GNG7: variants seen among roughly 807,000 people sequenced by gnomAD.
The protein encoded by GNG7 is G protein subunit gamma 7.
Under a neutral mutation model 4.0 loss-of-function variants are expected in GNG7, and 1 was observed. The ratio of observed to expected loss-of-function variants is 0.25; its 90% CI spans 0.09 to 1.18. The LOEUF is 1.18. GNG7 is among the 50% of genes most tolerant of loss of function. The probability of loss-of-function intolerance (pLI) is 0.50; values close to 1 mark genes in which losing one functional copy is unlikely to be tolerated. For synonymous variants in GNG7, 34 were observed against 36.9 expected (o/e 0.92, Z 0.29); for missense variants, 86 against 91.9 (o/e 0.94, Z 0.26).
chr19:2,567,350 T>TGTGTGTGTGTGTGTGTGTGTGTGAGA (rs1259433698), intron 2 of GNG7, among the ~76,000 whole-genome samples: 1 of 150,866 alleles, frequency 6.6e-6, no homozygotes, highest in African/African-American at 2.5e-5. Context: ...TGTGTGTGTG[T>TGTGTGTGTGTGTGTGTGTGTGTGAGA]GACATAGGGT....
In GNG7 at chr19:2,513,652, G is replaced by A; in HGVS notation, c.*1370C>T. The A allele has an allele frequency of 1.2e-6, 1 of 826,924 alleles. No homozygotes were observed. The highest frequency in any genetic ancestry group is 1.5e-6 in the Non-Finnish European group (1 of 685,346). 51.2% of individuals were successfully genotyped at this position (826,924 alleles called of 1,614,324 possible). On this transcript the variant is annotated 3_prime_UTR_variant, in exon 5 of 5. Transcript: ENST00000382159. The stretch of plus-strand genomic sequence containing the variant: ...GGAAAAGCAAAAAGATCGGGTTCGA[G>A]CGACAGGGTAACGTTTTGAGCGGAC...
chr19:2,562,843 A>G (rs1979785155), intron 2 of GNG7, among the ~76,000 whole-genome samples: 2 of 152,216 alleles, frequency 1.3e-5, no homozygotes, highest in African/African-American at 4.8e-5. Context: ...AGAGGATGTG[A>G]GTCCCAGGAG....
In GNG7 at chr19:2,546,167, C is replaced by A. The variant is rs1979118931; in HGVS notation, c.-38+8982G>T. On this transcript the variant is annotated intron_variant, in intron 3 of 4. Transcript: ENST00000382159. This position sits in a 1 kb window ranked among gnomAD's most constrained non-coding sequence, Gnocchi z 6.3. ...CCCACGCAGAGCCCGGGGAGCCCGA[C>A]TGAAATGGAAACTTCAATACAAGAG... Among the ~76,000 whole-genome samples, 1 of 152,208 alleles carries A rather than the reference C, an allele frequency of 6.6e-6. No homozygotes were observed. Among genetic ancestry groups the A allele is most frequent in the Non-Finnish European group, 1.5e-5 (1 of 68,026 alleles).
intron 1 of GNG7, among the ~76,000 whole-genome samples, chr19:2,697,796 C>CCG (rs367573614): frequency 1.3e-5 from 2 of 150,310 alleles, no homozygotes; most frequent in African/African-American, 4.9e-5. Context: ...TCCCCCCCCC[C>CCG]GCCCGTCTCT....
intron 2 of GNG7, among the ~76,000 whole-genome samples, chr19:2,621,669 C>G (rs1262930287): frequency 6.6e-6 from 1 of 152,080 alleles, no homozygotes; most frequent in East Asian, 1.9e-4. Context: ...TGCACTCCAG[C>G]CTGGGTGACA....
At chr19:2,567,099 G>C (rs1368013170) in intron 2 of GNG7, among the ~76,000 whole-genome samples, 1 of 144,114 alleles carries the variant, frequency 6.9e-6, no homozygotes, top group Admixed American at 7.2e-5. Context: ...GCGACAGAGC[G>C]AGACTCCGTC....
chr19:2,518,413 T>C (rs1157542522), intron 4 of GNG7, among the ~76,000 whole-genome samples: 15 of 152,220 alleles, frequency 9.9e-5, no homozygotes, highest in South Asian at 2.1e-4. Flanking sequence ...ATGCTTTGAA[T>C]GCTCAGGTCT....
At chr19:2,678,367 A>G (rs868160463) in intron 1 of GNG7, among the ~76,000 whole-genome samples, 1 of 152,202 alleles carries the variant, frequency 6.6e-6, no homozygotes, top group Non-Finnish European at 1.5e-5. Flanking sequence ...GAAATATAGT[A>G]GGTATTGTGG....
chr19:2,560,684 C>T (rs988629846), intron 2 of GNG7, among the ~76,000 whole-genome samples: 5 of 152,076 alleles, frequency 3.3e-5, no homozygotes, highest in Admixed American at 1.3e-4. Flanking sequence ...AAGCTGGGCG[C>T]GGTGGCTCAC....
intron 3 of GNG7, among the ~76,000 whole-genome samples, chr19:2,547,033 G>C (rs1305568512): frequency 6.6e-6 from 1 of 151,940 alleles, no homozygotes; most frequent in Non-Finnish European, 1.5e-5. Flanking sequence ...GGCAGTACCG[G>C]GCCTTCCCAC....
At chr19:2,600,811 C>A (rs1349836157) in intron 2 of GNG7, among the ~76,000 whole-genome samples, 2 of 151,780 alleles carry the variant, frequency 1.3e-5, no homozygotes, top group African/African-American at 2.4e-5. Context: ...GGTCCCCCAC[C>A]AAAAGGGTCT....
intron 1 of GNG7, among the ~76,000 whole-genome samples, chr19:2,649,953 ACT>A (rs960320932): frequency 1.3e-5 from 2 of 151,106 alleles, no homozygotes; most frequent in African/African-American, 4.9e-5. Context: ...GGGGTCACAC[ACT>A]GTGTGGCCTT....
chr19:2,569,307 G>C (rs1420519362), intron 2 of GNG7, among the ~76,000 whole-genome samples: 1 of 151,750 alleles, frequency 6.6e-6, no homozygotes, highest in Non-Finnish European at 1.5e-5. Context: ...ACAGAGTCTC[G>C]CTCTGTCGCC....
intron 2 of GNG7, among the ~76,000 whole-genome samples, chr19:2,563,213 G>T (rs1031050319): frequency 1.3e-4 from 19 of 151,950 alleles, no homozygotes; most frequent in African/African-American, 4.4e-4. Context: ...CTCCCAAAGT[G>T]CTGGGATTAC....
In GNG7 at chr19:2,662,913, G is replaced by A. The variant is rs114450066; in HGVS notation, c.-134-16633C>T. On this transcript the variant is annotated intron_variant, in intron 1 of 4. Transcript: ENST00000382159. ...AACTAGAAGCTGTCAGCCATCAGTCGACTTATCATCATACAAAAAGACATG... is the reference window on the plus strand; with the variant it reads ...AACTAGAAGCTGTCAGCCATCAGTCAACTTATCATCATACAAAAAGACATG... Among the ~76,000 whole-genome samples, 446 of 152,180 alleles carry A rather than the reference G, an allele frequency of 2.9e-3. 1 individual carries two copies. The highest frequency in any genetic ancestry group is 0.01 in the African/African-American group (424 of 41,506).
chr19:2,521,523 G>A (rs1382816994), intron 3 of GNG7, among the ~76,000 whole-genome samples: 2 of 151,934 alleles, frequency 1.3e-5, no homozygotes, highest in African/African-American at 4.8e-5. Context: ...GCCAGGGAAG[G>A]ATCCGAACGC....
intron 1 of GNG7, among the ~76,000 whole-genome samples, chr19:2,681,941 G>C (rs529820768): frequency 2.0e-4 from 30 of 152,280 alleles, no homozygotes; most frequent in African/African-American, 7.2e-4. Context: ...ATGGAGTCTT[G>C]CTCTGTTGCC....
intron 1 of GNG7, among the ~76,000 whole-genome samples, chr19:2,695,150 G>A (rs1404130802): frequency 6.6e-6 from 1 of 151,962 alleles, no homozygotes. Flanking sequence ...GTGGTGAGTG[G>A]CATGGGGAGA....
intron 3 of GNG7, among the ~76,000 whole-genome samples, chr19:2,554,264 G>A (rs1979477987): frequency 6.7e-6 from 1 of 148,266 alleles, no homozygotes; most frequent in African/African-American, 2.5e-5. Flanking sequence ...ACAGCTCACA[G>A]TAGCCTCCAC....
Sources: gnomAD v4.1 joint callset for allele counts (sites outside exome capture counted in the v4.1 genomes callset) on GRCh38, gnomAD v4.1.1 for gene constraint, Gnocchi (gnomAD v3.1) non-coding constraint, MANE v1.5 for transcripts, NCBI Gene and HGNC (gene_info 2026-07-23, HGNC 2026-07-21) for gene names.